The following ASIC2 variants were observed in gnomAD, a reference collection of about 807,000 sequenced individuals.
ASIC2 encodes the protein acid-sensing ion channel 2.
In ASIC2, 25 loss-of-function variants were observed where a neutral mutation model predicts 57.3. The ratio of observed to expected loss-of-function variants is 0.44; its 90% CI spans 0.32 to 0.61. The LOEUF (loss-of-function observed/expected upper bound fraction) is 0.61, where lower values mean the gene tolerates loss of function less well. Ranked by LOEUF, ASIC2 falls within the 20% of genes least tolerant of loss-of-function variation. The pLI, the probability that ASIC2 is intolerant of heterozygous loss-of-function variation, is 0.06. For synonymous variants in ASIC2, 319 were observed against 307.5 expected (o/e 1.04, Z -0.39); for missense variants, 641 against 738.1 (o/e 0.87, Z 1.52).
chr17:33,857,946 A>G (rs1047046980), intron 1 of ASIC2, among the ~76,000 whole-genome samples: 23 of 152,254 alleles, frequency 1.5e-4, no homozygotes, highest in Non-Finnish European at 3.2e-4. Context: ...CACAGTCAGC[A>G]TCTTCCACAG....
At chr17:33,333,775 G>A (rs989829362) in intron 1 of ASIC2, among the ~76,000 whole-genome samples, 13 of 152,280 alleles carry the variant, frequency 8.5e-5, no homozygotes, top group African/African-American at 2.6e-4. Context: ...AGGCTCCAAG[G>A]GGAGGAGAAA....
chr17:34,107,331 A>G (rs1911097808), intron 1 of ASIC2, among the ~76,000 whole-genome samples: 1 of 152,014 alleles, frequency 6.6e-6, no homozygotes, highest in South Asian at 2.1e-4. Flanking sequence ...GCAAAACCCC[A>G]TCTCAACTAA....
intron 1 of ASIC2, among the ~76,000 whole-genome samples, chr17:33,949,726 A>G (rs1234578739): frequency 1.3e-5 from 2 of 152,210 alleles, no homozygotes; most frequent in Non-Finnish European, 2.9e-5. Flanking sequence ...CTCATCTATA[A>G]ATGTGGGATC....
chr17:33,052,128 A>G (rs993315353), intron 3 of ASIC2: 4 of 152,246 alleles, frequency 2.6e-5, no homozygotes, highest in Non-Finnish European at 5.9e-5. Context: ...GATTTCATTT[A>G]TAAATACGTA....
rs36203893 is a variant in ASIC2, at chr17:33,233,514, T to TCA, written c.708+57892_708+57893dup. 4.2e-3 allele frequency among the ~76,000 whole-genome samples: 614 copies of TCA among 147,068 alleles called. 2 individuals carry two copies. Among genetic ancestry groups the TCA allele is most frequent in the East Asian group, 0.023 (112 of 4,902 alleles). On this transcript the variant is annotated intron_variant, in intron 1 of 9. Transcript: ENST00000225823. ...CACTTGAGGTTACGGAATTGGAAAT[T>TCA]CACACACACACACACACACACACAC...
chr17:34,136,643 A>G (rs1009863610), intron 1 of ASIC2, among the ~76,000 whole-genome samples: 1 of 152,198 alleles, frequency 6.6e-6, no homozygotes, highest in African/African-American at 2.4e-5. Flanking sequence ...TGTTACTTAC[A>G]TTATTGATTT....
At chr17:33,419,783 T>C (rs192358458) in intron 1 of ASIC2, among the ~76,000 whole-genome samples, 135 of 152,144 alleles carry the variant, frequency 8.9e-4, no homozygotes, top group African/African-American at 3.2e-3. Flanking sequence ...ATATGATTCA[T>C]CAAAAAGATG....
intron 1 of ASIC2, among the ~76,000 whole-genome samples, chr17:33,121,615 C>A (rs1018555269): frequency 6.6e-6 from 1 of 152,148 alleles, no homozygotes; most frequent in African/African-American, 2.4e-5. Flanking sequence ...ACCTGCTGAG[C>A]CCTGCCTATC....
At chr17:33,861,015 T>C (rs1460971437) in intron 1 of ASIC2, among the ~76,000 whole-genome samples, 1 of 152,234 alleles carries the variant, frequency 6.6e-6, no homozygotes, top group Non-Finnish European at 1.5e-5. Flanking sequence ...AAGAATTCAG[T>C]ACATATCTGT....
intron 1 of ASIC2, among the ~76,000 whole-genome samples, chr17:33,909,439 G>A (rs1387019188): frequency 1.3e-5 from 2 of 152,240 alleles, no homozygotes; most frequent in Admixed American, 6.5e-5. Context: ...GCCTTCGGGT[G>A]AAGGTGTTTT....
chr17:33,850,616 G>C (rs564199271), intron 1 of ASIC2, among the ~76,000 whole-genome samples: 1 of 152,206 alleles, frequency 6.6e-6, no homozygotes, highest in East Asian at 1.9e-4. Flanking sequence ...GATTGTTCAT[G>C]GTATGTTTCC....
intron 1 of ASIC2, among the ~76,000 whole-genome samples, chr17:33,954,760 G>T (rs150823801): frequency 6.6e-6 from 1 of 152,192 alleles, no homozygotes; most frequent in Non-Finnish European, 1.5e-5. Flanking sequence ...CCTCATTTCT[G>T]AGAGGAAATG....
chr17:34,068,503 A>T (rs1214506763), intron 1 of ASIC2, among the ~76,000 whole-genome samples: 1 of 152,202 alleles, frequency 6.6e-6, no homozygotes, highest in Non-Finnish European at 1.5e-5. Flanking sequence ...GATGGATTCC[A>T]ATCCCACCTC....
chr17:33,477,299 A>AT (rs1473974625), intron 1 of ASIC2, among the ~76,000 whole-genome samples: 27 of 152,224 alleles, frequency 1.8e-4, no homozygotes, highest in Admixed American at 3.9e-4. Flanking sequence ...TTAGAACTTC[A>AT]TTTTTTAAAA....
In ASIC2 at chr17:33,881,355, G is replaced by C. The variant is rs547078425; in HGVS notation, c.555+274623C>G. On this transcript the variant is annotated intron_variant, in intron 1 of 9. Transcript: ENST00000359872. ...TGCAGATGACATGATTGTATATCTAGAAAACCCCATCGTCTCAGCCCAAAA... is the reference window on the plus strand; with the variant it reads ...TGCAGATGACATGATTGTATATCTACAAAACCCCATCGTCTCAGCCCAAAA... Among the ~76,000 whole-genome samples the C allele has an allele frequency of 3.5e-3, 534 of 152,292 alleles. 2 individuals are homozygous for C. The highest frequency in any genetic ancestry group is 6.6e-3 in the Non-Finnish European group (452 of 68,014).
intron 1 of ASIC2, among the ~76,000 whole-genome samples, chr17:33,481,945 C>A (rs548256899): frequency 3.4e-4 from 52 of 152,338 alleles, no homozygotes; most frequent in African/African-American, 1.2e-3. Context: ...ACATTTTATG[C>A]CGATAGCACC....
At chr17:33,834,913 A>G (rs2141903480) in intron 1 of ASIC2, among the ~76,000 whole-genome samples, 1 of 152,194 alleles carries the variant, frequency 6.6e-6, no homozygotes, top group East Asian at 1.9e-4. Context: ...CTAGGACAGT[A>G]TTCCAAAAAA....
chr17:34,122,684 A>G (rs1483006482), intron 1 of ASIC2, among the ~76,000 whole-genome samples: 1 of 152,232 alleles, frequency 6.6e-6, no homozygotes, highest in Non-Finnish European at 1.5e-5. Flanking sequence ...CTTTGTTTAC[A>G]GTGTGTAGTG....
chr17:33,906,970 T>A (rs1322304202), intron 1 of ASIC2, among the ~76,000 whole-genome samples: 1 of 152,038 alleles, frequency 6.6e-6, no homozygotes, highest in Non-Finnish European at 1.5e-5. Flanking sequence ...TTGGGCAGGG[T>A]CTCCTTTCAA....
Sources: allele counts gnomAD v4.1 joint callset (sites outside exome capture counted in the v4.1 genomes callset), GRCh38; gene constraint gnomAD v4.1.1; transcripts MANE v1.5; gene names NCBI Gene and HGNC (gene_info 2026-07-23, HGNC 2026-07-21).